Variants in ADH7 observed in about 807,000 individuals in gnomAD.
ADH7 encodes the protein all-trans-retinol dehydrogenase [NAD(+)] ADH7.
A neutral mutation model predicts 34.4 loss-of-function variants in ADH7; 41 were observed. That is an observed-to-expected ratio of 1.19 (90% CI 0.93 to 1.55). The LOEUF (loss-of-function observed/expected upper bound fraction) is 1.55. ADH7 is among the 40% of genes most tolerant of loss of function. The probability of loss-of-function intolerance (pLI) is 0.00; values close to 1 mark genes in which losing one functional copy is unlikely to be tolerated. For missense variants in ADH7, 540 were observed against 461.2 expected, an observed-to-expected ratio of 1.17 and a Z score of -1.56; for synonymous variants, 180 against 160.9, an observed-to-expected ratio of 1.12 and a Z score of -0.90.
At chr4:99,427,425 A>G (rs879797837) in intron 5 of ADH7, among the ~76,000 whole-genome samples, 5 of 152,182 alleles carry the variant, frequency 3.3e-5, no homozygotes, top group Non-Finnish European at 7.4e-5. Flanking sequence ...ACAAGAAACT[A>G]GGAGTAAAAG....
chr4:99,430,837 C>T (rs1034384549), intron 1 of ADH7, among the ~76,000 whole-genome samples: 3 of 151,952 alleles, frequency 2.0e-5, no homozygotes, highest in African/African-American at 7.3e-5. Flanking sequence ...CTTGCTCTGT[C>T]GCTAGGCTGG....
At chr4:99,425,465 G>A (rs574695287) in intron 5 of ADH7, among the ~76,000 whole-genome samples, 66 of 152,198 alleles carry the variant, frequency 4.3e-4, no homozygotes, top group Admixed American at 2.7e-3. Flanking sequence ...GACAAAGAAG[G>A]CCATTACATA....
intron 5 of ADH7, among the ~76,000 whole-genome samples, chr4:99,423,644 T>C (rs933307642): frequency 6.6e-6 from 1 of 152,262 alleles, no homozygotes; most frequent in Admixed American, 6.5e-5. Context: ...GTGAGCATTT[T>C]TCCACATGTT....
chr4:99,429,769 AT>A, intron 1 of ADH7, 136 bp from the exon 2 acceptor site: 1 of 619,068 alleles, frequency 1.6e-6, no homozygotes, highest in South Asian at 2.4e-5. Context: ...AAACACTAGT[AT>A]TATAAGCCTT....
At chr4:99,431,272 T>C (rs1158192550) in intron 1 of ADH7, among the ~76,000 whole-genome samples, 1 of 152,204 alleles carries the variant, frequency 6.6e-6, no homozygotes, top group Non-Finnish European at 1.5e-5. Context: ...TGGCTAGCCA[T>C]ATGCAGAAGA....
At chr4:99,420,402 G>T (rs892378428) in intron 6 of ADH7, 131 bp downstream of exon 6, 3 of 1,081,926 alleles carry the variant, frequency 2.8e-6, no homozygotes, top group Non-Finnish European at 3.9e-6. Context: ...ATCAGTTTTT[G>T]CCTGAGTAAA....
chr4:99,426,844 T>A (rs1242561024), intron 5 of ADH7, among the ~76,000 whole-genome samples: 1 of 152,110 alleles, frequency 6.6e-6, no homozygotes, highest in Non-Finnish European at 1.5e-5. Flanking sequence ...CAACAGCACA[T>A]CAAAAAGCTT....
chr4:99,426,438 G>A (rs531224437), intron 5 of ADH7, among the ~76,000 whole-genome samples: 25 of 152,192 alleles, frequency 1.6e-4, no homozygotes, highest in South Asian at 4.1e-4. Flanking sequence ...ACACCTCTAC[G>A]CAAATAAACT....
At position 99,435,252 on chromosome 4, in the gene ADH7, C is replaced by A. The variant is rs1378246878; in HGVS notation, c.-19G>T. On this transcript the variant is annotated 5_prime_UTR_variant, in exon 1 of 9. Coordinates refer to ENST00000437033, the MANE Select transcript of ADH7 (RefSeq NM_000673.7). ...TGCCCATCCTGTCTTTGTCTTGGAT[C>A]TGTATTTCTGCAAACATAGACTTTT... is the stretch of plus-strand genomic sequence containing the variant. 1 of 1,613,284 alleles carries A rather than the reference C, an allele frequency of 6.2e-7. No homozygotes were observed. The highest frequency in any genetic ancestry group is 2.2e-5 in the East Asian group (1 of 44,818).
chr4:99,429,704 A>T (rs141743062), intron 1 of ADH7, 71 bp from the exon 2 acceptor site: 1 of 1,037,148 alleles, frequency 9.6e-7, no homozygotes, highest in African/African-American at 1.6e-5. Context: ...GACTAGTATA[A>T]ATATGAACAG....
intron 1 of ADH7, among the ~76,000 whole-genome samples, chr4:99,430,893 G>T (rs1721923996): frequency 6.6e-6 from 1 of 152,030 alleles, no homozygotes; most frequent in Non-Finnish European, 1.5e-5. Context: ...TGCCTCCCAG[G>T]TTCAGTGAGT....
intron 2 of ADH7, 121 bp downstream of exon 2, chr4:99,429,411 G>A: frequency 1.5e-6 from 1 of 652,756 alleles, no homozygotes; most frequent in East Asian, 2.8e-5. Context: ...GCCAGTAAAG[G>A]AATTAATACT....
Position 99,412,437 on chromosome 4 carries a change from A to G in ADH7, c.*711T>C, listed in dbSNP as rs1217524225. Reference sequence around the variant, plus strand: ...CTACTGTATCAAATTGAACATTATGATAAGTATGATAATATGATTCTAGCT... The same window carrying G: ...CTACTGTATCAAATTGAACATTATGGTAAGTATGATAATATGATTCTAGCT... On this transcript the variant is annotated 3_prime_UTR_variant, in exon 9 of 9. Transcript: ENST00000437033. The G allele has an allele frequency of 1.3e-5, 2 of 152,112 alleles. No homozygotes were observed. The highest frequency in any genetic ancestry group is 2.9e-5 in the Non-Finnish European group (2 of 67,982). The allele number at this position is 152,112 out of a possible 1,614,324, so 9.4% of individuals were successfully genotyped here.
chr4:99,413,256 G>A (rs908295986), intron 8 of ADH7, 84 bp from the exon 9 acceptor site: 11 of 1,442,974 alleles, frequency 7.6e-6, no homozygotes, highest in East Asian at 6.9e-5. Context: ...CTTTCTATCT[G>A]TCATAGAAAC....
At chr4:99,420,501 T>C (rs371817232) in intron 6 of ADH7, 32 bp downstream of exon 6, 11 of 1,602,834 alleles carry the variant, frequency 6.9e-6, no homozygotes, top group Non-Finnish European at 8.5e-6. Context: ...ATAACTTGGG[T>C]ATTTTGTGGC....
chr4:99,420,085 C>T (rs1022502248), intron 6 of ADH7, among the ~76,000 whole-genome samples: 1 of 152,066 alleles, frequency 6.6e-6, no homozygotes, highest in African/African-American at 2.4e-5. Context: ...AAACAAAGCT[C>T]AGATGTAAAG....
intron 5 of ADH7, 56 bp from the exon 6 acceptor site, chr4:99,420,849 T>C: frequency 1.9e-6 from 3 of 1,550,460 alleles, no homozygotes; most frequent in East Asian, 2.3e-5. Context: ...AAGTGAAACC[T>C]GAAAAGGGCC....
intron 5 of ADH7, among the ~76,000 whole-genome samples, chr4:99,421,396 G>A (rs1721659377): frequency 6.6e-6 from 1 of 152,106 alleles, no homozygotes; most frequent in Non-Finnish European, 1.5e-5. Context: ...AACAAACAAT[G>A]GGGAAAGGAT....
chr4:99,420,769 C>T lies in ADH7; in HGVS notation c.589G>A (p.Val197Ile), dbSNP rs377699817. ...GKVKPGSTCVVFGLGGVGLSV... is the reference protein window; with the variant it reads ...GKVKPGSTCVIFGLGGVGLSV... ...AGGCCAACTCCTCCCAGGCCAAAGA[C>T]GACGCAAGTGGAACCAGGTTTGACC... The change falls in exon 6 of 9, where the codon GTC (valine) becomes ATC (isoleucine). Residue 197 changes from valine to isoleucine, a missense_variant. Coordinates refer to ENST00000437033, the MANE Select transcript of ADH7 (RefSeq NM_000673.7). The T allele has an allele frequency of 1.0e-4, 161 of 1,613,786 alleles. No individual in the cohort carries two copies. The highest frequency in any genetic ancestry group is 5.0e-4 in the Middle Eastern group (3 of 6,060).
Sources: allele counts gnomAD v4.1 joint callset (sites outside exome capture counted in the v4.1 genomes callset), GRCh38; gene constraint gnomAD v4.1.1; transcripts MANE v1.5; gene names NCBI Gene and HGNC (gene_info 2026-07-23, HGNC 2026-07-21).